The following SNX7 variants were observed in gnomAD, a reference collection of about 807,000 sequenced individuals.
The protein encoded by SNX7 is sorting nexin 7, also known as sorting nexin-7.
A neutral mutation model predicts 48.4 loss-of-function variants in SNX7; 35 were observed. The observed-to-expected ratio is 0.72, with a 90% confidence interval of 0.55 to 0.96. The LOEUF is 0.96. Among genes scored for constraint, SNX7 ranks in the 40% least tolerant of loss-of-function variants. The pLI is 0.00. For missense variants in SNX7, 553 were observed against 548.9 expected (o/e 1.01, Z -0.07); for synonymous variants, 190 against 190.2 (o/e 1.00, Z 0.01).
chr1:98,701,853 C>A lies in SNX7; in HGVS notation c.1075C>A (p.Leu359Met), dbSNP rs1651766591. 6.2e-7 allele frequency: 1 copy of A among 1,611,014 alleles called. No homozygotes were observed. Among genetic ancestry groups the A allele is most frequent in the Non-Finnish European group, 8.5e-7 (1 of 1,178,428 alleles). The change falls in exon 7 of 9, where the codon CTG becomes ATG. Residue 359 changes from leucine (L) to methionine (M), a missense_variant. Physicochemically the swap from Leu to Met is conservative, Grantham distance 15. Coordinates refer to ENST00000306121, the MANE Select transcript of SNX7 (RefSeq NM_015976.5). ...AAGAAGAGACCAAATACAAGCAGAA[C>A]TGGATTCCAAAGTTGAAGTTTTGAC... ...MKRRDQIQAE[L>M]DSKVEVLTYK...
chr1:98,715,316 A>T (rs1471034372), intron 7 of SNX7, among the ~76,000 whole-genome samples: 1 of 152,182 alleles, frequency 6.6e-6, no homozygotes, highest in Non-Finnish European at 1.5e-5. Flanking sequence ...TTTGACGGGA[A>T]TGTCACTTAA....
rs542481579 is a variant in SNX7 at position 98,750,738 on chromosome 1, G to A, written c.1279-9316G>A. On this transcript the variant is annotated intron_variant, in intron 8 of 8. Coordinates refer to ENST00000306121, the MANE Select transcript of SNX7 (RefSeq NM_015976.5). ...TAACTCAGTGTCTAATAAGGATTCA[G>A]TAAATGTTGGCTACTAGTAGTACTA... is the stretch of plus-strand genomic sequence containing the variant. Among the ~76,000 whole-genome samples, 3 of 152,198 alleles carry A rather than the reference G, an allele frequency of 2.0e-5. No homozygotes were observed. The South Asian group carries it at 6.2e-4, about 32-fold the overall frequency.
chr1:98,756,428 T>TTTTTG (rs1654856622), intron 8 of SNX7, among the ~76,000 whole-genome samples: 1 of 144,040 alleles, frequency 6.9e-6, no homozygotes, highest in Non-Finnish European at 1.5e-5. Flanking sequence ...ATGAGTTTTT[T>TTTTTG]TTTTTTTTTT....
At chr1:98,681,241 C>T (rs1650472458) in intron 1 of SNX7, among the ~76,000 whole-genome samples, 1 of 152,118 alleles carries the variant, frequency 6.6e-6, no homozygotes, top group Non-Finnish European at 1.5e-5. Flanking sequence ...ACGGGAAAGA[C>T]CCGCCCCCAT....
chr1:98,703,924 G>A (rs923205260), intron 7 of SNX7, among the ~76,000 whole-genome samples: 1 of 151,884 alleles, frequency 6.6e-6, no homozygotes, highest in African/African-American at 2.4e-5. Flanking sequence ...GAGAATAATA[G>A]CATGGCTGAA....
intron 1 of SNX7, chr1:98,662,405 A>C (rs1649293242): frequency 1.9e-5 from 4 of 215,426 alleles, no homozygotes. Context: ...TCTTGTGGGA[A>C]TAGGTTCTAG....
chr1:98,710,794 G>A (rs554761047), intron 7 of SNX7, among the ~76,000 whole-genome samples: 3 of 152,300 alleles, frequency 2.0e-5, no homozygotes, highest in Admixed American at 6.5e-5. Context: ...TTAGAAGCCA[G>A]GAGAAGGCTT....
chr1:98,723,875 GA>G (rs903464275), intron 7 of SNX7, among the ~76,000 whole-genome samples: 1 of 151,750 alleles, frequency 6.6e-6, no homozygotes, highest in Non-Finnish European at 1.5e-5. Flanking sequence ...AAAAAAGAAA[GA>G]AAATTCTATT....
chr1:98,759,227 A>G (rs911484514), intron 8 of SNX7, among the ~76,000 whole-genome samples: 17 of 152,080 alleles, frequency 1.1e-4, no homozygotes, highest in African/African-American at 4.1e-4. Flanking sequence ...AAAAAAAAAC[A>G]TAATTTCTTT....
At chr1:98,727,077 G>C (rs1438477384) in intron 7 of SNX7, among the ~76,000 whole-genome samples, 1 of 152,136 alleles carries the variant, frequency 6.6e-6, no homozygotes, top group East Asian at 1.9e-4. Flanking sequence ...GGGCATGGTG[G>C]CGGGCACCTG....
chr1:98,743,174 A>G (rs1179518199), intron 8 of SNX7, among the ~76,000 whole-genome samples: 1 of 151,934 alleles, frequency 6.6e-6, no homozygotes, highest in Non-Finnish European at 1.5e-5. Context: ...TTTATGTGAG[A>G]TTCTGTTATC....
At chr1:98,688,413 C>G (rs1422760034) in intron 2 of SNX7, among the ~76,000 whole-genome samples, 2 of 152,114 alleles carry the variant, frequency 1.3e-5, no homozygotes. Flanking sequence ...GATGTACGTT[C>G]TCTTAGTACA....
chr1:98,740,757 C>CTG (rs1399694393), intron 8 of SNX7, among the ~76,000 whole-genome samples: 1 of 152,144 alleles, frequency 6.6e-6, no homozygotes, highest in Non-Finnish European at 1.5e-5. Context: ...ACAGCAGTTT[C>CTG]TATCAGTGTG....
chr1:98,663,253 G>GTTTTTTTTTTTTTT (rs61588201), intron 1 of SNX7, among the ~76,000 whole-genome samples: 2 of 41,508 alleles, frequency 4.8e-5, no homozygotes, highest in Non-Finnish European at 5.5e-5. Context: ...TTTCTTTCTG[G>GTTTTTTTTTTTTTT]TTTTTTTTTT....
Position 98,738,240 on chromosome 1 carries a change from C to G in SNX7, c.1129C>G (p.Pro377Ala), listed in dbSNP as rs1464447119. 5 of 1,612,182 alleles carry G rather than the reference C, an allele frequency of 3.1e-6. No individual in the cohort carries two copies. The highest frequency in any genetic ancestry group is 4.2e-6 in the Non-Finnish European group (5 of 1,179,378). ...TYKKADTDLL[P>A]EEIGKLEDKV... is the part of the protein sequence containing the mutation. ...CTCTCTTTGTGACTTAATTCAGCTT[C>G]CAGAGGAGATTGGAAAACTTGAAGA... Residue 377 changes from proline to alanine, a missense_variant, in exon 8 of 9, where the codon CCA (proline) becomes GCA (alanine). Transcript: ENST00000306121.
intron 2 of SNX7, among the ~76,000 whole-genome samples, chr1:98,686,424 C>T (rs1053598170): frequency 5.3e-5 from 8 of 152,022 alleles, no homozygotes; most frequent in Non-Finnish European, 1.0e-4. Flanking sequence ...GCCTAACACA[C>T]GATAAGTGTT....
intron 7 of SNX7, among the ~76,000 whole-genome samples, chr1:98,728,870 G>A (rs4320797): frequency 0.55 from 84,032 of 151,986 alleles, 24,279 homozygotes; most frequent in Non-Finnish European, 0.64. Context: ...ACCACTTTCA[G>A]TATTACACAG....
At chr1:98,756,337 T>G (rs1325734384) in intron 8 of SNX7, among the ~76,000 whole-genome samples, 1 of 151,642 alleles carries the variant, frequency 6.6e-6, no homozygotes, top group African/African-American at 2.4e-5. Flanking sequence ...AGGAAAAGTA[T>G]GTATCATATG....
intron 7 of SNX7, among the ~76,000 whole-genome samples, chr1:98,715,527 A>G (rs1427607967): frequency 6.6e-6 from 1 of 152,198 alleles, no homozygotes; most frequent in Non-Finnish European, 1.5e-5. Flanking sequence ...ATGCCTTATC[A>G]TACTTTAACT....
Sources: gnomAD v4.1 joint callset for allele counts (sites outside exome capture counted in the v4.1 genomes callset) on GRCh38, gnomAD v4.1.1 for gene constraint, MANE v1.5 for transcripts, NCBI Gene and HGNC (gene_info 2026-07-23, HGNC 2026-07-21) for gene names.